Variants in VCPIP1 observed in about 807,000 individuals in gnomAD.
The protein encoded by VCPIP1 is deubiquitinating protein VCPIP1.
Under a neutral mutation model 85.0 loss-of-function variants are expected in VCPIP1, and 8 were observed. That is an observed-to-expected ratio of 0.09 (90% confidence interval 0.06 to 0.17). VCPIP1 has a LOEUF of 0.17. Ranked by LOEUF, VCPIP1 falls within the 10% of genes least tolerant of loss-of-function variation. VCPIP1 has a pLI of 1.00. For missense variants in VCPIP1, 1,070 were observed against 1,486.3 expected (o/e 0.72, Z 4.61); for synonymous variants, 543 against 544.5 (o/e 1.00, Z 0.04).
intron 2 of VCPIP1, among the ~76,000 whole-genome samples, chr8:66,646,599 C>T (rs915960360): frequency 2.0e-5 from 3 of 151,874 alleles, no homozygotes; most frequent in Non-Finnish European, 1.5e-5. Context: ...AGTTTGAGAT[C>T]AGCCTGACCA....
chr8:66,661,279 G>A (rs1586629810), intron 1 of VCPIP1, among the ~76,000 whole-genome samples: 1 of 152,142 alleles, frequency 6.6e-6, no homozygotes, highest in South Asian at 2.1e-4. Context: ...AGGCATAAAT[G>A]CTGGATATGA....
chr8:66,656,927 A>G (rs962015636), intron 1 of VCPIP1, among the ~76,000 whole-genome samples: 1 of 151,690 alleles, frequency 6.6e-6, no homozygotes, highest in Non-Finnish European at 1.5e-5. Context: ...AATTTTTGAG[A>G]CAGAATCTTG....
chr8:66,641,976 T>C (rs1284018426), intron 2 of VCPIP1, among the ~76,000 whole-genome samples: 1 of 152,244 alleles, frequency 6.6e-6, no homozygotes, highest in Non-Finnish European at 1.5e-5. Context: ...TGCTGGATCA[T>C]ATAGTAACTC....
At chr8:66,638,162 T>G (rs1270698647) in intron 2 of VCPIP1, among the ~76,000 whole-genome samples, 3 of 152,044 alleles carry the variant, frequency 2.0e-5, no homozygotes, top group East Asian at 1.9e-4. Flanking sequence ...ACAGTTGAAC[T>G]CATCAATACA....
At position 66,667,052 on chromosome 8, in the gene VCPIP1, C is replaced by A. The variant is rs1010733767; in HGVS notation, c.-94G>T. 85 of 1,422,240 alleles carry A rather than the reference C, an allele frequency of 6.0e-5. No homozygotes were observed. The highest frequency in any genetic ancestry group is 7.5e-5 in the Non-Finnish European group (82 of 1,091,604). 88.1% of individuals were successfully genotyped at this position (1,422,240 alleles called of 1,614,324 possible). On this transcript the variant is annotated 5_prime_UTR_variant, in exon 1 of 3. Coordinates refer to ENST00000310421, the MANE Select transcript of VCPIP1 (RefSeq NM_025054.5). ...CCAACCCGACTCGGTCCAGTCCAGG[C>A]CCAGGGCGAAGCACTTTCCTTTCCC...
At chr8:66,644,443 T>C (rs972669204) in intron 2 of VCPIP1, among the ~76,000 whole-genome samples, 8 of 152,190 alleles carry the variant, frequency 5.3e-5, no homozygotes, top group Admixed American at 5.2e-4. Context: ...ATGATCATCT[T>C]GATACATGTA....
At chr8:66,638,909 C>G (rs1014280646) in intron 2 of VCPIP1, among the ~76,000 whole-genome samples, 4 of 151,452 alleles carry the variant, frequency 2.6e-5, no homozygotes, top group African/African-American at 7.3e-5. Flanking sequence ...TTCTTCATTT[C>G]TCTGTACAAA....
intron 2 of VCPIP1, among the ~76,000 whole-genome samples, chr8:66,646,141 C>A (rs1272084466): frequency 6.7e-6 from 1 of 149,488 alleles, no homozygotes; most frequent in Non-Finnish European, 1.5e-5. Context: ...AGTGTGATCT[C>A]GGCTCAATGC....
At chr8:66,648,849 GCTCAGCCCCAGTAAAA>G (rs1441850378) in intron 2 of VCPIP1, among the ~76,000 whole-genome samples, 1 of 152,010 alleles carries the variant, frequency 6.6e-6, no homozygotes, top group East Asian at 2.0e-4. Flanking sequence ...GAGCCACTGT[GCTCAGCCCCAGTAAAA>G]CTTTTAAGTA....
chr8:66,639,629 GC>G (rs1336087199), intron 2 of VCPIP1, among the ~76,000 whole-genome samples: 15 of 152,024 alleles, frequency 9.9e-5, no homozygotes, highest in African/African-American at 3.1e-4. Flanking sequence ...CCTGGCCTGA[GC>G]CAATTAATTT....
rs139820648 is a variant in VCPIP1, at chr8:66,664,666, C to A, written c.2293G>T (p.Ala765Ser). Residue 765 changes from alanine to serine, a missense_variant, in exon 1 of 3, where the codon GCT becomes TCT. By Grantham distance (99) the Ala-to-Ser change is moderately conservative. Coordinates refer to ENST00000310421, the MANE Select transcript of VCPIP1 (RefSeq NM_025054.5). ...TTAGAAGTTGTCGGTGAATAGGGAGCCTTGGTAGGTGTAGCAGGTGCAGAG... is the reference window on the plus strand; with the variant it reads ...TTAGAAGTTGTCGGTGAATAGGGAGACTTGGTAGGTGTAGCAGGTGCAGAG... ...PSSAPATPTKAPYSPTTSKEK... is the reference protein window; with the variant it reads ...PSSAPATPTKSPYSPTTSKEK... 3 of 1,613,230 alleles carry A rather than the reference C, an allele frequency of 1.9e-6. No homozygotes were observed. Among genetic ancestry groups the A allele is most frequent in the Non-Finnish European group, 2.5e-6 (3 of 1,179,614 alleles).
rs933858534 is a variant in VCPIP1, at chr8:66,632,101, T to A, written c.*2400A>T. The A allele has an allele frequency of 1.3e-5, 2 of 150,848 alleles. No individual in the cohort carries two copies. Among genetic ancestry groups the A allele is most frequent in the Non-Finnish European group, 3.0e-5 (2 of 67,716 alleles). The allele number at this position is 150,848 out of a possible 1,614,324, so 9.3% of individuals were successfully genotyped here. A position where few individuals can be genotyped will look rare whatever the true frequency, so the allele number is the denominator to read the frequency against. On this transcript the variant is annotated 3_prime_UTR_variant, in exon 3 of 3. Transcript: ENST00000310421. The stretch of plus-strand genomic sequence containing the variant: ...AAAAAAAACAAATTTACCTGAGATG[T>A]CTAGCTTGCACGCCAAGATGTGGCT...
chr8:66,660,687 T>C (rs1811146439), intron 1 of VCPIP1, among the ~76,000 whole-genome samples: 1 of 152,244 alleles, frequency 6.6e-6, no homozygotes. Context: ...CCCAGTACTC[T>C]TTACATATGG....
rs1271956154 is a variant in VCPIP1, at chr8:66,646,595, A to C, written c.2797+4863T>G. Among the ~76,000 whole-genome samples, 3 of 152,052 alleles carry C rather than the reference A, an allele frequency of 2.0e-5. No individual in the cohort carries two copies. The East Asian group carries it at 5.8e-4, about 29-fold the overall frequency. On this transcript the variant is annotated intron_variant, in intron 2 of 2. Coordinates refer to ENST00000310421, the MANE Select transcript of VCPIP1 (RefSeq NM_025054.5). The stretch of plus-strand genomic sequence containing the variant: ...CAGATCACTTGAGGTCAGGAGTTTG[A>C]GATCAGCCTGACCAACATAGTGAAA...
At chr8:66,655,038 G>A (rs143366016) in intron 1 of VCPIP1, among the ~76,000 whole-genome samples, 1 of 152,258 alleles carries the variant, frequency 6.6e-6, no homozygotes, top group African/African-American at 2.4e-5. Context: ...ACTCAATCTA[G>A]GTATCACTTC....
intron 1 of VCPIP1, among the ~76,000 whole-genome samples, chr8:66,662,039 T>A (rs1811163244): frequency 6.6e-6 from 1 of 152,010 alleles, no homozygotes; most frequent in Admixed American, 6.6e-5. Context: ...AGTGCTGGGA[T>A]TACAGGCATG....
intron 2 of VCPIP1, among the ~76,000 whole-genome samples, chr8:66,637,141 G>C (rs959745731): frequency 6.6e-6 from 1 of 151,804 alleles, no homozygotes; most frequent in African/African-American, 2.4e-5. Flanking sequence ...ACAAAGGCTA[G>C]GAGTTTGATA....
rs1275198430 is a variant in VCPIP1, at chr8:66,634,585, C to T, written c.3585G>A (p.Arg1195=). Residue 1195 remains arginine (R), a synonymous_variant, in exon 3 of 3, where the codon AGG becomes AGA. Coordinates refer to ENST00000310421, the MANE Select transcript of VCPIP1 (RefSeq NM_025054.5). ...AAFATRSKAQ[R]GNSVEELEEM... ...CTTCAAGCTCCTCCACGGAATTTCC[C>T]CTTTGTGCTTTTGACCTTGTGGCAA... 1.2e-6 allele frequency: 2 copies of T among 1,614,054 alleles called. No individual in the cohort carries two copies. The highest frequency in any genetic ancestry group is 2.7e-5 in the African/African-American group (2 of 74,916).
chr8:66,662,219 G>A (rs141397975), intron 1 of VCPIP1, among the ~76,000 whole-genome samples: 29 of 152,244 alleles, frequency 1.9e-4, no homozygotes, highest in African/African-American at 6.5e-4. Flanking sequence ...TAAGTGTTAC[G>A]AATAGATGCC....
Sources: allele counts gnomAD v4.1 joint callset (sites outside exome capture counted in the v4.1 genomes callset), GRCh38; gene constraint gnomAD v4.1.1; transcripts MANE v1.5; gene names NCBI Gene and HGNC (gene_info 2026-07-23, HGNC 2026-07-21).